Variants in LNX1 observed in about 807,000 individuals in gnomAD.
LNX1 encodes ligand of numb-protein X 1.
In LNX1, 54 loss-of-function variants were observed where a neutral mutation model predicts 68.4. The ratio of observed to expected loss-of-function variants is 0.79; its 90% CI spans 0.63 to 0.99. LNX1 has a LOEUF of 0.99. Ranked by LOEUF, LNX1 falls within the 50% of genes least tolerant of loss-of-function variation. The probability of loss-of-function intolerance (pLI) is 0.00; values close to 1 mark genes in which losing one functional copy is unlikely to be tolerated. For missense variants in LNX1, 906 were observed against 926.4 expected (o/e 0.98, Z 0.29); for synonymous variants, 336 against 350.0 (o/e 0.96, Z 0.45).
At chr4:53,641,864 C>CT (rs528010791) in intron 1 of LNX1, among the ~76,000 whole-genome samples, 1 of 152,124 alleles carries the variant, frequency 6.6e-6, no homozygotes, top group African/African-American at 2.4e-5. Flanking sequence ...CAGTTCATTC[C>CT]TTTTTTTCTG....
At chr4:53,571,433 G>A (rs1199560430) in intron 2 of LNX1, among the ~76,000 whole-genome samples, 1 of 152,144 alleles carries the variant, frequency 6.6e-6, no homozygotes, top group Non-Finnish European at 1.5e-5. Context: ...AGAAGGAGAT[G>A]TGAGGATGGA....
In LNX1 at chr4:53,573,681, T is replaced by C. The variant is rs1216406010; in HGVS notation, c.322A>G (p.Arg108Gly). 17 of 1,609,030 alleles carry C rather than the reference T, an allele frequency of 1.1e-5. No individual in the cohort carries two copies. The highest frequency in any genetic ancestry group is 1.4e-5 in the Non-Finnish European group (17 of 1,177,794). ...LNKLLVTCPFREHCTQVLQRC... is the reference protein window; with the variant it reads ...LNKLLVTCPFGEHCTQVLQRC... ...TGCAACACCTGGGTGCAGTGCTCCCTGAATGGGCAGGTCACCAGTAGCTTG... is the reference window on the plus strand; with the variant it reads ...TGCAACACCTGGGTGCAGTGCTCCCCGAATGGGCAGGTCACCAGTAGCTTG... The change falls in exon 2 of 11, where the codon AGG (arginine) becomes GGG (glycine). Residue 108 changes from arginine (R) to glycine (G), a missense_variant. By Grantham distance (125) the Arg-to-Gly change is moderately radical. Transcript: ENST00000263925.
chr4:53,461,090 C>A, intron 10 of LNX1, 48 bp from the exon 11 acceptor site: 1 of 1,485,150 alleles, frequency 6.7e-7, no homozygotes, highest in Non-Finnish European at 9.1e-7. Context: ...TAATTCGTTG[C>A]TGAAGTTAAT....
intron 1 of LNX1, among the ~76,000 whole-genome samples, chr4:53,623,053 C>A (rs1202351829): frequency 2.0e-5 from 3 of 152,020 alleles, no homozygotes; most frequent in Non-Finnish European, 4.4e-5. Flanking sequence ...TAGCTTGGGG[C>A]TGGAAGAGAT....
At chr4:53,533,946 C>T (rs1320390911) in intron 2 of LNX1, among the ~76,000 whole-genome samples, 1 of 152,236 alleles carries the variant, frequency 6.6e-6, no homozygotes, top group Non-Finnish European at 1.5e-5. Flanking sequence ...TCTGCCCATG[C>T]ACTGGCAGCC....
At chr4:53,510,378 G>A (rs1479402423) in intron 2 of LNX1, among the ~76,000 whole-genome samples, 2 of 152,156 alleles carry the variant, frequency 1.3e-5, no homozygotes, top group African/African-American at 2.4e-5. Context: ...GATGAAATGT[G>A]GTTTTAATAT....
At chr4:53,591,998 T>G (rs7655442), upstream of LNX1, among the ~76,000 whole-genome samples, 111,727 of 152,068 alleles carry the variant, frequency 0.73, 41,259 homozygotes, top group African/African-American at 0.77. Context: ...CAAATTTAAG[T>G]TGACATTTCC....
chr4:53,474,178 G>T (rs1176916169), intron 9 of LNX1, among the ~76,000 whole-genome samples: 1 of 152,176 alleles, frequency 6.6e-6, no homozygotes, highest in East Asian at 1.9e-4. Flanking sequence ...TACAACGATG[G>T]TGCAGTGCCT....
In LNX1 at chr4:53,507,435, T is replaced by C. The variant is rs752004286; in HGVS notation, c.657A>G (p.Arg219=). The change falls in exon 4 of 11, where the codon AGA becomes AGG. Residue 219 remains arginine (R), a synonymous_variant. Coordinates refer to ENST00000263925, the MANE Select transcript of LNX1 (RefSeq NM_001126328.3). ...AAGCTCGATTTATTTTTTTAAATGATCTGCTTCTAATAGTGGATCTCTCAA... is the reference window on the plus strand; with the variant it reads ...AAGCTCGATTTATTTTTTTAAATGACCTGCTTCTAATAGTGGATCTCTCAA... The part of the protein sequence containing the change: ...RPFERSTIRS[R]SFKKINRALS... The C allele has an allele frequency of 6.2e-7, 1 of 1,614,196 alleles. No individual in the cohort carries two copies. Among genetic ancestry groups the C allele is most frequent in the Non-Finnish European group, 8.5e-7 (1 of 1,180,024 alleles).
rs571973285 is a variant in LNX1 at position 53,492,786 on chromosome 4, C to T, written c.1350+3237G>A. On this transcript the variant is annotated intron_variant, in intron 6 of 10. Coordinates refer to ENST00000263925, the MANE Select transcript of LNX1 (RefSeq NM_001126328.3). ...ACTAGGAATGGCCTAGGGGAGAGCACGTTGGGCAAGGGGTGGAATGGGAGG... is the reference window on the plus strand; with the variant it reads ...ACTAGGAATGGCCTAGGGGAGAGCATGTTGGGCAAGGGGTGGAATGGGAGG... 2.6e-5 allele frequency among the ~76,000 whole-genome samples: 4 copies of T among 151,996 alleles called. No homozygotes were observed. In the South Asian group the frequency reaches 8.3e-4, roughly 32 times the overall value.
chr4:53,598,032 G>A (rs1490677822), intron 2 of LNX1, among the ~76,000 whole-genome samples: 1 of 152,160 alleles, frequency 6.6e-6, no homozygotes, highest in African/African-American at 2.4e-5. Context: ...GAGTCTCTGC[G>A]AGGTAAAGTA....
At chr4:53,596,749 T>C (rs1456791124) in intron 2 of LNX1, among the ~76,000 whole-genome samples, 1 of 152,104 alleles carries the variant, frequency 6.6e-6, no homozygotes, top group Admixed American at 6.5e-5. Flanking sequence ...GCTTCCACAT[T>C]CTTGTAGATG....
At chr4:53,517,428 C>T (rs1435374729) in intron 2 of LNX1, among the ~76,000 whole-genome samples, 1 of 152,204 alleles carries the variant, frequency 6.6e-6, no homozygotes, top group Non-Finnish European at 1.5e-5. Flanking sequence ...AGCCCACCCT[C>T]AAATAGGTCC....
At chr4:53,507,538 A>T (rs1389417896) in intron 3 of LNX1, 69 bp from the exon 4 acceptor site, 1 of 1,509,644 alleles carries the variant, frequency 6.6e-7, no homozygotes, top group Non-Finnish European at 9.1e-7. Context: ...TACATATCTG[A>T]TAAGATATAC....
chr4:53,471,410 C>T (rs1579362708), intron 9 of LNX1, among the ~76,000 whole-genome samples: 1 of 152,210 alleles, frequency 6.6e-6, no homozygotes, highest in Middle Eastern at 3.4e-3. Flanking sequence ...CTAGGCATTA[C>T]CATTCAGGAC....
intron 2 of LNX1, among the ~76,000 whole-genome samples, chr4:53,610,016 A>G (rs1332318559): frequency 2.0e-5 from 3 of 151,816 alleles, no homozygotes; most frequent in Non-Finnish European, 4.4e-5. Flanking sequence ...CAAGATTTGA[A>G]AATGGACATT....
chr4:53,576,710 A>C (rs1443345338), intron 1 of LNX1, among the ~76,000 whole-genome samples: 1 of 152,230 alleles, frequency 6.6e-6, no homozygotes, highest in Non-Finnish European at 1.5e-5. Flanking sequence ...AAAGTAAATT[A>C]AAAGACCTTA....
chr4:53,555,955 G>T (rs1285689454), intron 2 of LNX1, among the ~76,000 whole-genome samples: 1 of 152,194 alleles, frequency 6.6e-6, no homozygotes, highest in Non-Finnish European at 1.5e-5. Context: ...CAAATGGAAA[G>T]ATTCCTCAAT....
chr4:53,626,539 C>T (rs1577808814), intron 1 of LNX1, among the ~76,000 whole-genome samples: 1 of 152,322 alleles, frequency 6.6e-6, no homozygotes, highest in South Asian at 2.1e-4. Flanking sequence ...TTAGGCATAA[C>T]AGCATTTTGA....
Sources: allele counts gnomAD v4.1 joint callset (sites outside exome capture counted in the v4.1 genomes callset), GRCh38; gene constraint gnomAD v4.1.1; transcripts MANE v1.5; gene names NCBI Gene and HGNC (gene_info 2026-07-23, HGNC 2026-07-21).